KHDRBS2: variants seen among roughly 807,000 people sequenced by gnomAD.
KHDRBS2 encodes KH RNA binding domain containing, signal transduction associated 2, also known as KH domain-containing, RNA-binding, signal transduction-associated protein 2.
Under a neutral mutation model 44.3 loss-of-function variants are expected in KHDRBS2, and 26 were observed. The observed-to-expected ratio is 0.59, with a 90% CI of 0.43 to 0.81. The LOEUF (loss-of-function observed/expected upper bound fraction) is 0.81. Ranked by LOEUF, KHDRBS2 falls within the 40% of genes least tolerant of loss-of-function variation. The pLI is 0.00. For missense variants in KHDRBS2, 476 were observed against 433.1 expected, an observed-to-expected ratio of 1.10 and a Z score of -0.88; for synonymous variants, 194 against 151.1, an observed-to-expected ratio of 1.28 and a Z score of -2.08.
chr6:62,213,873 C>CAAAAAAAAAAAAAAAAAA (rs67482871), intron 1 of KHDRBS2, among the ~76,000 whole-genome samples: 5 of 41,504 alleles, frequency 1.2e-4, no homozygotes, highest in Non-Finnish European at 1.2e-4. Context: ...GACTCCATCT[C>CAAAAAAAAAAAAAAAAAA]AAAAAAAAAA....
intron 7 of KHDRBS2, among the ~76,000 whole-genome samples, chr6:61,727,435 C>A (rs1018175582): frequency 1.3e-5 from 2 of 152,114 alleles, no homozygotes; most frequent in Admixed American, 1.3e-4. Context: ...CAAATGGAAT[C>A]TAACTAAAGA....
At chr6:62,153,821 C>A (rs1199433989) in intron 2 of KHDRBS2, among the ~76,000 whole-genome samples, 1 of 152,130 alleles carries the variant, frequency 6.6e-6, no homozygotes, top group Admixed American at 6.5e-5. Flanking sequence ...TCTTTGGCTC[C>A]CCTCAAAACT....
At chr6:61,556,571 A>G in the KHDRBS2 span, among the ~76,000 whole-genome samples, 29 of 152,252 alleles carry the variant, frequency 1.9e-4, no homozygotes, top group Non-Finnish European at 2.8e-4. Flanking sequence ...ATAGTTTGTC[A>G]GTTTTTCTTT....
intron 6 of KHDRBS2, among the ~76,000 whole-genome samples, chr6:61,776,458 C>T (rs1447854418): frequency 1.3e-5 from 2 of 151,674 alleles, no homozygotes; most frequent in Non-Finnish European, 3.0e-5. Context: ...AAAAACAACC[C>T]TATCAAAAAG....
chr6:61,850,207 A>AT (rs1484691337), intron 6 of KHDRBS2, among the ~76,000 whole-genome samples: 3 of 151,836 alleles, frequency 2.0e-5, no homozygotes, highest in Non-Finnish European at 4.4e-5. Flanking sequence ...AACTAATATT[A>AT]TTTATATTAG....
chr6:62,197,480 G>A (rs1445622199), intron 1 of KHDRBS2, among the ~76,000 whole-genome samples: 1 of 151,968 alleles, frequency 6.6e-6, no homozygotes, highest in African/African-American at 2.4e-5. Context: ...ATGGATAATG[G>A]GTCTTGAAGG....
At chr6:61,545,547 ATTTC>A in the KHDRBS2 span, among the ~76,000 whole-genome samples, 10 of 147,258 alleles carry the variant, frequency 6.8e-5, no homozygotes, top group African/African-American at 1.2e-4. Context: ...GCTTGTATAT[ATTTC>A]TTTCTAATTT....
intron 3 of KHDRBS2, among the ~76,000 whole-genome samples, chr6:62,016,595 A>G (rs1781249170): frequency 6.7e-6 from 1 of 148,970 alleles, no homozygotes; most frequent in South Asian, 2.1e-4. Context: ...CATTTATATA[A>G]TATGTAGTAC....
At chr6:62,167,798 G>A (rs1819023213) in intron 2 of KHDRBS2, among the ~76,000 whole-genome samples, 1 of 152,148 alleles carries the variant, frequency 6.6e-6, no homozygotes, top group Non-Finnish European at 1.5e-5. Context: ...TACAAAAATA[G>A]ACATGTTTCC....
intron 3 of KHDRBS2, among the ~76,000 whole-genome samples, chr6:61,982,555 C>T (rs1341000729): frequency 6.6e-6 from 1 of 151,662 alleles, no homozygotes; most frequent in Non-Finnish European, 1.5e-5. Flanking sequence ...CCTGTAATCC[C>T]AGCTACTCCG....
chr6:62,204,988 G>A (rs1827694949), intron 1 of KHDRBS2, among the ~76,000 whole-genome samples: 1 of 152,064 alleles, frequency 6.6e-6, no homozygotes, highest in Non-Finnish European at 1.5e-5. Context: ...TGGAGCAAAG[G>A]GAATGTTTGT....
chr6:62,015,720 A>G (rs1441979731), intron 3 of KHDRBS2, among the ~76,000 whole-genome samples: 1 of 152,180 alleles, frequency 6.6e-6, no homozygotes, highest in Non-Finnish European at 1.5e-5. Context: ...ATAGATATAA[A>G]ATGTTTGAAA....
chr6:61,973,222 A>G (rs189153151), intron 4 of KHDRBS2, among the ~76,000 whole-genome samples: 237 of 152,330 alleles, frequency 1.6e-3, no homozygotes, highest in African/African-American at 5.4e-3. Context: ...TATATTTATC[A>G]TCTTCTAAAA....
At chr6:62,108,908 G>C (rs1318478281) in intron 2 of KHDRBS2, among the ~76,000 whole-genome samples, 1 of 152,082 alleles carries the variant, frequency 6.6e-6, no homozygotes, top group East Asian at 1.9e-4. Flanking sequence ...AGAACACATG[G>C]ACACAGGAAG....
chr6:61,891,140 C>T (rs1279453112), intron 6 of KHDRBS2, among the ~76,000 whole-genome samples: 1 of 152,068 alleles, frequency 6.6e-6, no homozygotes, highest in Non-Finnish European at 1.5e-5. Flanking sequence ...TTACATAAGA[C>T]ATTGAAGAGG....
intron 1 of KHDRBS2, among the ~76,000 whole-genome samples, chr6:62,221,298 T>G (rs1302401863): frequency 6.6e-6 from 1 of 152,040 alleles, no homozygotes; most frequent in African/African-American, 2.4e-5. Flanking sequence ...CAGTGGTTAC[T>G]AGGATTAAGG....
chr6:61,684,303 T>C (rs1003006526), intron 8 of KHDRBS2, among the ~76,000 whole-genome samples: 9 of 151,880 alleles, frequency 5.9e-5, no homozygotes, highest in Admixed American at 3.9e-4. Context: ...TCACTGCAAG[T>C]ACCACATATA....
intron 2 of KHDRBS2, among the ~76,000 whole-genome samples, chr6:62,125,572 A>G (rs1224422453): frequency 1.3e-5 from 2 of 152,194 alleles, no homozygotes; most frequent in South Asian, 2.1e-4. Context: ...CACAGCTTCA[A>G]AAGAAACTCC....
At chr6:61,872,669 G>A (rs767198865) in intron 6 of KHDRBS2, among the ~76,000 whole-genome samples, 6 of 152,072 alleles carry the variant, frequency 3.9e-5, no homozygotes, top group Non-Finnish European at 5.9e-5. Context: ...TCATAAAGAC[G>A]TTAATTCTTT....
Sources: allele counts gnomAD v4.1 joint callset (sites outside exome capture counted in the v4.1 genomes callset), GRCh38; gene constraint gnomAD v4.1.1; transcripts MANE v1.5; gene names NCBI Gene and HGNC (gene_info 2026-07-23, HGNC 2026-07-21).